The following CHL1 variants were observed in gnomAD, a reference collection of about 807,000 sequenced individuals.
The protein encoded by CHL1 is cell adhesion molecule L1 like, also known as neural cell adhesion molecule L1-like protein.
Under a neutral mutation model 141.9 loss-of-function variants are expected in CHL1, and 96 were observed. The ratio of observed to expected loss-of-function variants is 0.68; its 90% confidence interval spans 0.57 to 0.80. CHL1 has a LOEUF of 0.80. Among genes scored for constraint, CHL1 ranks in the 30% least tolerant of loss-of-function variants. The pLI is 0.00. For synonymous variants in CHL1, 613 were observed against 502.2 expected, an observed-to-expected ratio of 1.22 and a Z score of -2.95; for missense variants, 1,820 against 1,457.2, an observed-to-expected ratio of 1.25 and a Z score of -4.05.
chr3:254,630 G>T (rs757648801), intron 2 of CHL1, among the ~76,000 whole-genome samples: 1 of 152,158 alleles, frequency 6.6e-6, no homozygotes, highest in Non-Finnish European at 1.5e-5. Flanking sequence ...ATACCTTGTG[G>T]ATAGTAGAAA....
intron 3 of CHL1, among the ~76,000 whole-genome samples, chr3:322,633 A>G (rs956980918): frequency 4.4e-5 from 5 of 114,002 alleles, no homozygotes; most frequent in Non-Finnish European, 6.9e-5. Context: ...TCTAAATTAT[A>G]TATATATATA....
At chr3:329,352 C>A (rs551744491) in intron 5 of CHL1, among the ~76,000 whole-genome samples, 105 of 141,670 alleles carry the variant, frequency 7.4e-4, no homozygotes, top group Non-Finnish European at 1.1e-3. Flanking sequence ...TGCAGAATGG[C>A]CACAAACTTC....
chr3:265,960 G>T (rs929674873), intron 2 of CHL1, among the ~76,000 whole-genome samples: 1 of 152,190 alleles, frequency 6.6e-6, no homozygotes, highest in Non-Finnish European at 1.5e-5. Context: ...GAAATGGATG[G>T]TTGGGGCTTT....
intron 2 of CHL1, among the ~76,000 whole-genome samples, chr3:291,874 G>A (rs115687599): frequency 1.3e-5 from 2 of 152,104 alleles, no homozygotes; most frequent in East Asian, 1.9e-4. Flanking sequence ...TGGTCCTGTC[G>A]AGTCTCACAG....
At chr3:283,892 G>A (rs1027363696) in intron 2 of CHL1, among the ~76,000 whole-genome samples, 2 of 152,328 alleles carry the variant, frequency 1.3e-5, no homozygotes, top group East Asian at 1.9e-4. Context: ...TTTTATCACA[G>A]TATGTATGAT....
chr3:284,916 T>C (rs1406753033), intron 2 of CHL1, among the ~76,000 whole-genome samples: 2 of 152,228 alleles, frequency 1.3e-5, no homozygotes, highest in African/African-American at 4.8e-5. Context: ...TTCTGCAGAA[T>C]CTATTATATC....
At chr3:202,553 T>C (rs1323468065) in intron 1 of CHL1, among the ~76,000 whole-genome samples, 1 of 152,238 alleles carries the variant, frequency 6.6e-6, no homozygotes, top group African/African-American at 2.4e-5. Flanking sequence ...CTGTGGATGG[T>C]GACTAGAAAT....
chr3:374,213 C>T (rs994919528), intron 15 of CHL1, among the ~76,000 whole-genome samples: 1 of 152,048 alleles, frequency 6.6e-6, no homozygotes, highest in Non-Finnish European at 1.5e-5. Context: ...ATTCTCTCCC[C>T]TCCTTCCGAT....
intron 2 of CHL1, among the ~76,000 whole-genome samples, chr3:263,804 T>G (rs1393690465): frequency 6.6e-6 from 1 of 152,250 alleles, no homozygotes; most frequent in East Asian, 1.9e-4. Flanking sequence ...GTTGAAAGAA[T>G]GATTTTAATT....
At chr3:236,323 A>C (rs192586807) in intron 1 of CHL1, among the ~76,000 whole-genome samples, 5 of 152,304 alleles carry the variant, frequency 3.3e-5, no homozygotes, top group African/African-American at 1.2e-4. Context: ...TTTGTGCTAC[A>C]TGCTGGAGCT....
intron 1 of CHL1, among the ~76,000 whole-genome samples, chr3:198,360 C>T (rs1018784091): frequency 6.6e-6 from 1 of 151,858 alleles, no homozygotes; most frequent in Non-Finnish European, 1.5e-5. Flanking sequence ...GGCGCGCTCC[C>T]GCGGGAACGC....
At chr3:387,611 GAAT>G (rs1255261045) in intron 19 of CHL1, among the ~76,000 whole-genome samples, 1 of 152,116 alleles carries the variant, frequency 6.6e-6, no homozygotes. Context: ...TGTGTAAAAT[GAAT>G]AATATTATTT....
chr3:334,173 T>A (rs1331238165), intron 5 of CHL1, among the ~76,000 whole-genome samples: 3 of 152,182 alleles, frequency 2.0e-5, no homozygotes, highest in Admixed American at 6.5e-5. Context: ...TTACTTGTTT[T>A]AAGTGTATAA....
chr3:361,878 G>T (rs150121366), intron 13 of CHL1, 68 bp downstream of exon 13: 1 of 1,070,654 alleles, frequency 9.3e-7, no homozygotes, highest in Non-Finnish European at 1.5e-6. Flanking sequence ...TTCTTCATCC[G>T]TCATTTGACA....
intron 3 of CHL1, among the ~76,000 whole-genome samples, chr3:321,267 AT>A (rs1700541742): frequency 6.6e-6 from 1 of 152,018 alleles, no homozygotes; most frequent in Non-Finnish European, 1.5e-5. Context: ...CTGTTTTGAC[AT>A]TTCCATTTCT....
At chr3:276,051 T>C (rs1696064879) in intron 2 of CHL1, among the ~76,000 whole-genome samples, 1 of 151,936 alleles carries the variant, frequency 6.6e-6, no homozygotes, top group African/African-American at 2.4e-5. Context: ...GGGTTAAAGA[T>C]ATGTTGAACT....
chr3:370,034 A>G (rs756475610), intron 15 of CHL1, among the ~76,000 whole-genome samples: 2 of 152,186 alleles, frequency 1.3e-5, no homozygotes, highest in Non-Finnish European at 2.9e-5. Context: ...ATCAATGTTC[A>G]TCAGTGATGT....
At chr3:316,149 G>T (rs1235345205) in intron 2 of CHL1, among the ~76,000 whole-genome samples, 3 of 152,030 alleles carry the variant, frequency 2.0e-5, no homozygotes, top group Non-Finnish European at 4.4e-5. Context: ...TGTACATGTG[G>T]CTGGGAAGGG....
At chr3:263,328 G>A (rs751042025) in intron 2 of CHL1, among the ~76,000 whole-genome samples, 15 of 151,104 alleles carry the variant, frequency 9.9e-5, no homozygotes, top group Non-Finnish European at 7.4e-5. Context: ...TAGTTAATCC[G>A]GAAAAAGAAA....
Sources: allele counts gnomAD v4.1 joint callset (sites outside exome capture counted in the v4.1 genomes callset), GRCh38; gene constraint gnomAD v4.1.1; transcripts MANE v1.5; gene names NCBI Gene and HGNC (gene_info 2026-07-23, HGNC 2026-07-21).